GRAMD4: variants seen among roughly 807,000 people sequenced by gnomAD.
The protein encoded by GRAMD4 is GRAM domain containing 4, also known as GRAM domain-containing protein 4.
A neutral mutation model predicts 83.9 loss-of-function variants in GRAMD4; 25 were observed. That is an observed-to-expected ratio of 0.30 (90% CI 0.22 to 0.42). GRAMD4 has a LOEUF of 0.42. Ranked by LOEUF, GRAMD4 falls within the 10% of genes least tolerant of loss-of-function variation. The pLI is 1.00. For missense variants in GRAMD4, 593 were observed against 788.7 expected (o/e 0.75, Z 2.97); for synonymous variants, 336 against 320.9 (o/e 1.05, Z -0.50).
In GRAMD4 at chr22:46,677,279, A is replaced by ATTTTCT. The variant is rs751076909; in HGVS notation, c.*51_*56dup. ...TTGACTTGCCCAGGACGTTGCTGGA[A>ATTTTCT]TTTTCTTTTTCTTTTTCTTTTTCTT... On this transcript the variant is annotated 3_prime_UTR_variant, in exon 19 of 19. Transcript: ENST00000406902. 3,322 of 1,568,692 alleles carry ATTTTCT rather than the reference A, an allele frequency of 2.1e-3. 4 individuals carry two copies. Among genetic ancestry groups the ATTTTCT allele is most frequent in the African/African-American group, 6.9e-3 (495 of 71,474 alleles).
chr22:46,682,693 T>C (rs2542025), downstream of GRAMD4, among the ~76,000 whole-genome samples: 18,927 of 152,280 alleles, frequency 0.12, 2,054 homozygotes, highest in African/African-American at 0.3. Flanking sequence ...TGCCTTCCAG[T>C]GTAGCACGCA....
intron 1 of GRAMD4, among the ~76,000 whole-genome samples, chr22:46,625,103 G>T (rs1233170956): frequency 6.6e-6 from 1 of 151,992 alleles, no homozygotes; most frequent in Non-Finnish European, 1.5e-5. Context: ...CTTGTGATCC[G>T]CCCGCCTCGG....
intron 3 of GRAMD4, among the ~76,000 whole-genome samples, chr22:46,648,197 G>A (rs1254008297): frequency 1.3e-5 from 2 of 151,066 alleles, no homozygotes; most frequent in East Asian, 3.9e-4. Flanking sequence ...TGGACATGTA[G>A]ATGGATGGAT....
chr22:46,595,149 G>C (rs988823099), intron 1 of GRAMD4, among the ~76,000 whole-genome samples: 1 of 152,128 alleles, frequency 6.6e-6, no homozygotes, highest in South Asian at 2.1e-4. Context: ...CACACAGGGT[G>C]GGGGAAGTGA....
chr22:46,677,425 C>T lies in GRAMD4; in HGVS notation c.*174C>T. Reference sequence around the variant, plus strand: ...CTGCGTTTTATCGACCAAGAAGGGGCCAGGGCTCACAGGGACGGGGGTGCC... The same window carrying T: ...CTGCGTTTTATCGACCAAGAAGGGGTCAGGGCTCACAGGGACGGGGGTGCC... On this transcript the variant is annotated 3_prime_UTR_variant, in exon 19 of 19. Coordinates refer to ENST00000406902, the MANE Select transcript of GRAMD4 (RefSeq NM_015124.5). 1.5e-6 allele frequency: 2 copies of T among 1,364,524 alleles called. No homozygotes were observed. The highest frequency in any genetic ancestry group is 9.4e-7 in the Non-Finnish European group (1 of 1,058,426). 84.5% of individuals were successfully genotyped at this position (1,364,524 alleles called of 1,614,324 possible). A position where few individuals can be genotyped will look rare whatever the true frequency, so the allele number is the denominator to read the frequency against.
At chr22:46,610,337 A>C (rs1255234601) in intron 1 of GRAMD4, among the ~76,000 whole-genome samples, 1 of 152,186 alleles carries the variant, frequency 6.6e-6, no homozygotes, top group African/African-American at 2.4e-5. Context: ...TCTGCTAGGC[A>C]TCTGTGGACC....
intron 5 of GRAMD4, 116 bp from the exon 6 acceptor site, chr22:46,662,924 C>A: frequency 2.2e-6 from 2 of 913,362 alleles, no homozygotes; most frequent in Non-Finnish European, 3.3e-6. Context: ...ATTCCTTGTG[C>A]CTCTGCTGGC....
upstream of GRAMD4, among the ~76,000 whole-genome samples, chr22:46,616,188 G>A (rs2081488944): frequency 8.8e-6 from 1 of 113,266 alleles, no homozygotes; most frequent in South Asian, 3.4e-4. Flanking sequence ...GTTCCCCTGT[G>A]TGTACGTTCC....
At chr22:46,628,321 G>A (rs2081703526) in intron 2 of GRAMD4, among the ~76,000 whole-genome samples, 1 of 152,224 alleles carries the variant, frequency 6.6e-6, no homozygotes, top group South Asian at 2.1e-4. Flanking sequence ...GTCCCCTGGT[G>A]TGGGCTGGGG....
intron 1 of GRAMD4, among the ~76,000 whole-genome samples, chr22:46,578,122 C>G (rs577726900): frequency 1.4e-4 from 21 of 152,200 alleles, no homozygotes; most frequent in Non-Finnish European, 3.1e-4. Context: ...TATTGTCAAC[C>G]CTGCATCTCC....
At position 46,658,179 on chromosome 22, in the gene GRAMD4, C is replaced by G; in HGVS notation, c.284-8C>G. ...GCGATGGTCACCTGGCCGTTCTCTC[C>G]CCCATAGAGGAGGAGCTCCGGAAGC... On this transcript the variant is annotated splice_region_variant and splice_polypyrimidine_tract_variant and intron_variant, in intron 3 of 18. Coordinates refer to ENST00000406902, the MANE Select transcript of GRAMD4 (RefSeq NM_015124.5). The G allele has an allele frequency of 6.2e-7, 1 of 1,613,546 alleles. No homozygotes were observed. Among genetic ancestry groups the G allele is most frequent in the South Asian group, 1.1e-5 (1 of 91,048 alleles).
intron 16 of GRAMD4, 41 bp from the exon 17 acceptor site, chr22:46,675,427 G>A: frequency 6.9e-7 from 1 of 1,441,242 alleles, no homozygotes; most frequent in South Asian, 1.1e-5. Flanking sequence ...GCGTGCTCTG[G>A]TTCAAGAGCC....
chr22:46,599,178 A>T (rs2081289016), intron 1 of GRAMD4, among the ~76,000 whole-genome samples: 1 of 151,628 alleles, frequency 6.6e-6, no homozygotes, highest in Admixed American at 6.6e-5. Context: ...TGGGGGTCAG[A>T]TATTTCTGCT....
Position 46,677,165 on chromosome 22 carries a change from A to T in GRAMD4, c.1651A>T (p.Met551Leu), listed in dbSNP as rs1233511667. ...STQKPLVFGA[M>L]VHRDEAFETI... ...CTGCCAGCCGCTCGTGTTTGGTGCC[A>T]TGGTGCACAGGGATGAGGCCTTCGA... is the stretch of plus-strand genomic sequence containing the variant. The change falls in exon 19 of 19, where the codon ATG becomes TTG. Residue 551 changes from methionine (M) to leucine (L), a missense_variant. By Grantham distance (15) the Met-to-Leu change is conservative. Coordinates refer to ENST00000406902, the MANE Select transcript of GRAMD4 (RefSeq NM_015124.5). 2 of 1,613,602 alleles carry T rather than the reference A, an allele frequency of 1.2e-6. No individual in the cohort carries two copies. The highest frequency in any genetic ancestry group is 8.5e-7 in the Non-Finnish European group (1 of 1,179,954).
intron 17 of GRAMD4, among the ~76,000 whole-genome samples, chr22:46,675,974 A>G (rs1190464679): frequency 6.6e-6 from 1 of 152,204 alleles, no homozygotes; most frequent in Non-Finnish European, 1.5e-5. Flanking sequence ...GCATGGAATG[A>G]GCAGGTGGGC....
In GRAMD4 at chr22:46,658,144, G is replaced by A. The variant is rs570956595; in HGVS notation, c.284-43G>A. ...CCCAGCATCCCAGAGTCGGGGTCGC[G>A]TGGACATGAGCGATGGTCACCTGGC... On this transcript the variant is annotated intron_variant, in intron 3 of 18. Transcript: ENST00000406902. 72 of 1,612,162 alleles carry A rather than the reference G, an allele frequency of 4.5e-5. No homozygotes were observed. In the Middle Eastern group the frequency reaches 5.0e-4, roughly 11 times the overall value.
intron 3 of GRAMD4, among the ~76,000 whole-genome samples, 181 bp downstream of exon 3, chr22:46,638,141 C>T (rs892656755): frequency 2.0e-5 from 3 of 152,216 alleles, no homozygotes; most frequent in Non-Finnish European, 2.9e-5. Flanking sequence ...GGTCCCGGCA[C>T]AGCCTCTGTC....
At chr22:46,638,337 C>T (rs1274256751) in intron 3 of GRAMD4, among the ~76,000 whole-genome samples, 5 of 152,336 alleles carry the variant, frequency 3.3e-5, no homozygotes, top group South Asian at 2.1e-4. Context: ...GTGGGTGGCT[C>T]GGACTTTTTC....
In GRAMD4 at chr22:46,672,038, T is replaced by TGCACTGGGGGCAGCGAGACAGCCCCCA. The variant is rs1265992069; in HGVS notation, c.1085-796_1085-770dup. Among the ~76,000 whole-genome samples, 1 of 152,240 alleles carries TGCACTGGGGGCAGCGAGACAGCCCCCA rather than the reference T, an allele frequency of 6.6e-6. No homozygotes were observed. The highest frequency in any genetic ancestry group is 2.4e-5 in the African/African-American group (1 of 41,474). The stretch of plus-strand genomic sequence containing the variant: ...ACGTCTGGTCTGGTCTGGCGGGCTG[T>TGCACTGGGGGCAGCGAGACAGCCCCCA]GCACTGGGGGCAGCGAGACAGCCCC... On this transcript the variant is annotated intron_variant, in intron 13 of 18. Transcript: ENST00000406902. This position sits in a 1 kb window ranked among gnomAD's most constrained non-coding sequence, Gnocchi z 4.7.
Sources: allele counts gnomAD v4.1 joint callset (sites outside exome capture counted in the v4.1 genomes callset), GRCh38; gene constraint gnomAD v4.1.1; non-coding constraint Gnocchi (gnomAD v3.1); transcripts MANE v1.5; gene names NCBI Gene and HGNC (gene_info 2026-07-23, HGNC 2026-07-21).